RDM1: variants seen among roughly 807,000 people sequenced by gnomAD.
The protein encoded by RDM1 is RAD52 motif containing 1.
In RDM1, 28 loss-of-function variants were observed where a neutral mutation model predicts 27.7. That is an observed-to-expected ratio of 1.01 (90% CI 0.75 to 1.39). RDM1 has a LOEUF of 1.39. Among genes scored for constraint, RDM1 ranks in the 40% most tolerant of loss-of-function variants. The pLI, the probability that RDM1 is intolerant of heterozygous loss-of-function variation, is 0.00. For synonymous variants in RDM1, 124 were observed against 127.5 expected, an observed-to-expected ratio of 0.97 and a Z score of 0.19; for missense variants, 277 against 337.3, an observed-to-expected ratio of 0.82 and a Z score of 1.40.
Position 35,920,218 on chromosome 17 carries a change from C to G in RDM1, c.722G>C (p.Arg241Thr), listed in dbSNP as rs192386068. 2.5e-6 allele frequency: 4 copies of G among 1,603,294 alleles called. No individual in the cohort carries two copies. The highest frequency in any genetic ancestry group is 3.4e-6 in the Non-Finnish European group (4 of 1,172,210). ...YRPSEDIVGV[R>T]CEEELHGLIQ... ...TAAACCGTGTAGTTCTTCTTCGCAT[C>G]TGACACCTACGATGTCTTCACTGGG... Residue 241 changes from arginine (R) to threonine (T), a missense_variant, in exon 6 of 7, where the codon AGA (arginine) becomes ACA (threonine). Coordinates refer to ENST00000620284, the MANE Select transcript of RDM1 (RefSeq NM_145654.4).
chr17:35,921,491 G>A (rs961784561), intron 5 of RDM1, among the ~76,000 whole-genome samples: 3 of 152,146 alleles, frequency 2.0e-5, no homozygotes, highest in Admixed American at 6.5e-5. Flanking sequence ...TATAAGATTC[G>A]TGCCACTGTA....
chr17:35,925,448 T>C, intron 3 of RDM1, 67 bp downstream of exon 3: 2 of 1,572,970 alleles, frequency 1.3e-6, no homozygotes, highest in Non-Finnish European at 1.7e-6. Flanking sequence ...AATACTTCTG[T>C]CTAAAATCTA....
chr17:35,928,121 GAGA>G (rs952814622), intron 2 of RDM1, among the ~76,000 whole-genome samples: 2 of 152,120 alleles, frequency 1.3e-5, no homozygotes, highest in South Asian at 2.1e-4. Context: ...ATGGAATATA[GAGA>G]AGAATAGGCA....
Position 35,930,745 on chromosome 17 carries a change from T to G in RDM1, c.-18A>C, listed in dbSNP as rs539772102. 3.7e-6 allele frequency: 6 copies of G among 1,610,924 alleles called. No homozygotes were observed. The African/African-American group carries it at 5.3e-5, about 14-fold the overall frequency. On this transcript the variant is annotated 5_prime_UTR_variant, in exon 1 of 7. Coordinates refer to ENST00000620284, the MANE Select transcript of RDM1 (RefSeq NM_145654.4). ...TCCGCCATCCTCCCTTCACCGCACC[T>G]GCGCGGCTAACCCTCGCCCCAGCAT... is the stretch of plus-strand genomic sequence containing the variant.
rs2141919383 is a variant in RDM1, at chr17:35,918,290, A to G, written c.*52T>C. ...TGGGGCGGCGTGGGGTAGGGGCACG[A>G]CAGAGCTTCCCAAGGAAGTTACATG... On this transcript the variant is annotated 3_prime_UTR_variant, in exon 7 of 7. Transcript: ENST00000620284. The G allele has an allele frequency of 1.3e-6, 2 of 1,533,476 alleles. No individual in the cohort carries two copies. The highest frequency in any genetic ancestry group is 1.8e-6 in the Non-Finnish European group (2 of 1,110,010). 95.0% of individuals were successfully genotyped at this position (1,533,476 alleles called of 1,614,324 possible).
At chr17:35,921,720 A>G (rs911336183) in intron 5 of RDM1, among the ~76,000 whole-genome samples, 1 of 152,176 alleles carries the variant, frequency 6.6e-6, no homozygotes. Flanking sequence ...AACAATGACA[A>G]TAATAGTTAA....
chr17:35,922,469 A>G, intron 5 of RDM1, 108 bp downstream of exon 5: 1 of 1,351,708 alleles, frequency 7.4e-7, no homozygotes, highest in African/African-American at 1.5e-5. Context: ...ATGAAAGCAT[A>G]CTATAGAGTG....
intron 5 of RDM1, among the ~76,000 whole-genome samples, chr17:35,921,364 G>T (rs2088938007): frequency 6.6e-6 from 1 of 152,216 alleles, no homozygotes; most frequent in Non-Finnish European, 1.5e-5. Context: ...AGCAAATAAA[G>T]GTCTGTGGTA....
At chr17:35,923,693 T>G (rs1213789785) in intron 4 of RDM1, among the ~76,000 whole-genome samples, 1 of 152,012 alleles carries the variant, frequency 6.6e-6, no homozygotes, top group African/African-American at 2.4e-5. Flanking sequence ...ACAGATAATC[T>G]GGCTCCTCCC....
intron 3 of RDM1, among the ~76,000 whole-genome samples, chr17:35,925,078 G>T (rs2089091194): frequency 6.6e-6 from 1 of 152,126 alleles, no homozygotes; most frequent in African/African-American, 2.4e-5. Context: ...ATTTTGCAGT[G>T]AGCTGAGATA....
At chr17:35,921,510 T>C (rs550415536) in intron 5 of RDM1, among the ~76,000 whole-genome samples, 61 of 152,232 alleles carry the variant, frequency 4.0e-4, no homozygotes, top group Non-Finnish European at 7.2e-4. Context: ...TAGAACTCAA[T>C]AGGGAATACA....
rs139463693 is a variant in RDM1, at chr17:35,926,706, A to C, written c.277-1069T>G. 2.4e-3 allele frequency among the ~76,000 whole-genome samples: 366 copies of C among 152,172 alleles called. 2 individuals carry two copies. The highest frequency in any genetic ancestry group is 8.3e-3 in the African/African-American group (345 of 41,528). ...GTGTGAGCCACTGCGCCTGGCCGTA[A>C]AGTTAATTCTTTATTGATTTGTTTA... On this transcript the variant is annotated intron_variant, in intron 2 of 6. Coordinates refer to ENST00000620284, the MANE Select transcript of RDM1 (RefSeq NM_145654.4).
intron 5 of RDM1, 95 bp from the exon 6 acceptor site, chr17:35,920,367 G>T: frequency 3.8e-6 from 2 of 520,006 alleles, no homozygotes; most frequent in Admixed American, 3.4e-5. Flanking sequence ...CATTGTTTTG[G>T]TTTCTAAAAG....
At chr17:35,929,929 T>C in intron 2 of RDM1, 147 bp downstream of exon 2, 1 of 785,628 alleles carries the variant, frequency 1.3e-6, no homozygotes, top group Middle Eastern at 4.0e-4. Flanking sequence ...TTGAGTTTCT[T>C]CATGTAAAAA....
At chr17:35,924,514 C>T (rs1215753957) in intron 4 of RDM1, 90 bp downstream of exon 4, 7 of 1,385,700 alleles carry the variant, frequency 5.1e-6, no homozygotes, top group Admixed American at 2.2e-5. Context: ...TGATATGTAT[C>T]TGAAAAGATG....
At chr17:35,925,178 C>T (rs975755341) in intron 3 of RDM1, among the ~76,000 whole-genome samples, 2 of 151,948 alleles carry the variant, frequency 1.3e-5, no homozygotes, top group African/African-American at 4.8e-5. Flanking sequence ...AAAAAGAAAA[C>T]CCAAAAAACA....
chr17:35,920,387 A>G (rs986961904), intron 5 of RDM1, 115 bp from the exon 6 acceptor site: 10 of 481,732 alleles, frequency 2.1e-5, no homozygotes, highest in Non-Finnish European at 3.7e-5. Flanking sequence ...GCAGAAAATA[A>G]GAGCATTTTC....
At chr17:35,929,930 CA>C in intron 2 of RDM1, 145 bp downstream of exon 2, 1 of 790,842 alleles carries the variant, frequency 1.3e-6, no homozygotes, top group African/African-American at 1.7e-5. Flanking sequence ...TGAGTTTCTT[CA>C]TGTAAAAAAC....
At chr17:35,919,271 T>C (rs1429086225) in intron 6 of RDM1, among the ~76,000 whole-genome samples, 1 of 152,260 alleles carries the variant, frequency 6.6e-6, no homozygotes, top group Admixed American at 6.5e-5. Context: ...ATAATGACTG[T>C]TTTCTTTCAG....
Sources: gnomAD v4.1 joint callset for allele counts (sites outside exome capture counted in the v4.1 genomes callset) on GRCh38, gnomAD v4.1.1 for gene constraint, MANE v1.5 for transcripts, NCBI Gene and HGNC (gene_info 2026-07-23, HGNC 2026-07-21) for gene names.